The following PAAF1 variants were observed in gnomAD, a reference collection of about 807,000 sequenced individuals.
The protein encoded by PAAF1 is proteasomal ATPase-associated factor 1.
In PAAF1, 46 loss-of-function variants were observed where a neutral mutation model predicts 52.8. That is an observed-to-expected ratio of 0.87 (90% CI 0.69 to 1.11). PAAF1 has a LOEUF of 1.11. PAAF1 is among the 50% of genes most tolerant of loss of function. The pLI is 0.00. For missense variants in PAAF1, 424 were observed against 477.4 expected, an observed-to-expected ratio of 0.89 and a Z score of 1.04; for synonymous variants, 178 against 172.8, an observed-to-expected ratio of 1.03 and a Z score of -0.24.
intron 4 of PAAF1, among the ~76,000 whole-genome samples, chr11:73,897,973 G>GAGCTGCAGACCAGCCCAGCCAACAC (rs1949465649): frequency 6.6e-6 from 1 of 152,148 alleles, no homozygotes; most frequent in Non-Finnish European, 1.5e-5. Context: ...TCATGGTTAG[G>GAGCTGCAGACCAGCCCAGCCAACAC]AGCTGCAGAC....
At chr11:73,878,219 A>G (rs138610070) in intron 1 of PAAF1, among the ~76,000 whole-genome samples, 372 of 152,360 alleles carry the variant, frequency 2.4e-3, no homozygotes, top group Admixed American at 3.9e-3. Context: ...CTAGCTACCT[A>G]TGAGAAAATA....
intron 10 of PAAF1, among the ~76,000 whole-genome samples, chr11:73,920,036 T>C (rs2135227264): frequency 6.6e-6 from 1 of 150,654 alleles, no homozygotes; most frequent in South Asian, 2.1e-4. Flanking sequence ...GAAAGACTGG[T>C]GAAAAAAAAA....
intron 2 of PAAF1, among the ~76,000 whole-genome samples, chr11:73,881,239 T>G (rs1948898597): frequency 6.6e-6 from 1 of 152,174 alleles, no homozygotes; most frequent in African/African-American, 2.4e-5. Flanking sequence ...GTTTATATTT[T>G]TTTAGATCTT....
chr11:73,887,130 A>G (rs758826692), intron 2 of PAAF1: 1 of 491,428 alleles, frequency 2.0e-6, no homozygotes, highest in Non-Finnish European at 3.8e-6. Flanking sequence ...TTCTTTATAA[A>G]TTACCCAGCC....
At chr11:73,916,226 T>G (rs567386096) in intron 8 of PAAF1, among the ~76,000 whole-genome samples, 1 of 152,268 alleles carries the variant, frequency 6.6e-6, no homozygotes, top group South Asian at 2.1e-4. Flanking sequence ...AAAGTTGTCA[T>G]GAAAAAGGGG....
chr11:73,922,246 CT>C (rs2135232307), intron 10 of PAAF1: 1 of 623,228 alleles, frequency 1.6e-6, no homozygotes, highest in South Asian at 1.4e-5. Context: ...TACTTTTCTA[CT>C]TTTCTGCTGG....
At chr11:73,895,396 C>T (rs892592503) in intron 4 of PAAF1, among the ~76,000 whole-genome samples, 1 of 152,148 alleles carries the variant, frequency 6.6e-6, no homozygotes, top group African/African-American at 2.4e-5. Context: ...GGATAGATAC[C>T]ACCTGTATCA....
intron 7 of PAAF1, among the ~76,000 whole-genome samples, chr11:73,912,060 A>C (rs1461914652): frequency 6.6e-6 from 1 of 152,032 alleles, no homozygotes; most frequent in South Asian, 2.1e-4. Flanking sequence ...CTGTGATACC[A>C]CATAACACTG....
rs763618203 is a variant in PAAF1, at chr11:73,891,166, C to A, written c.247C>A (p.Pro83Thr). Residue 83 changes from proline to threonine, a missense_variant, in exon 4 of 12, where the codon CCA becomes ACA. Coordinates refer to ENST00000310571, the MANE Select transcript of PAAF1 (RefSeq NM_025155.3). ...AAATGCATCTTCTAAGTTTTTGGCA[C>A]CATATACTACTTTTTCCAGAATTCA... ...KENASSKFLA[P>T]YTTFSRIHTK... is the part of the protein sequence containing the mutation. The A allele has an allele frequency of 6.3e-7, 1 of 1,595,636 alleles. No individual in the cohort carries two copies. The highest frequency in any genetic ancestry group is 8.6e-7 in the Non-Finnish European group (1 of 1,164,798).
intron 3 of PAAF1, among the ~76,000 whole-genome samples, chr11:73,887,782 C>T (rs777860415): frequency 5.3e-5 from 8 of 152,166 alleles, no homozygotes; most frequent in Non-Finnish European, 1.0e-4. Flanking sequence ...TGGAGTCTTG[C>T]TCTGTCGCCC....
chr11:73,897,304 C>T (rs886293558), intron 4 of PAAF1, among the ~76,000 whole-genome samples: 16 of 151,684 alleles, frequency 1.1e-4, no homozygotes, highest in Non-Finnish European at 2.1e-4. Flanking sequence ...ACTTCCCTCC[C>T]GGACGAGGTG....
At chr11:73,895,850 T>A (rs1949330616) in intron 4 of PAAF1, among the ~76,000 whole-genome samples, 1 of 152,228 alleles carries the variant, frequency 6.6e-6, no homozygotes, top group South Asian at 2.1e-4. Context: ...CTCACGCCTG[T>A]GATCCTAGCA....
chr11:73,910,677 G>A (rs1199147396), intron 7 of PAAF1, among the ~76,000 whole-genome samples: 2 of 151,884 alleles, frequency 1.3e-5, no homozygotes, highest in Non-Finnish European at 2.9e-5. Flanking sequence ...GCCATTTTAG[G>A]CTCACAGCAA....
intron 2 of PAAF1, among the ~76,000 whole-genome samples, chr11:73,882,432 TTTA>T (rs1353571277): frequency 6.6e-6 from 1 of 151,218 alleles, no homozygotes; most frequent in Non-Finnish European, 1.5e-5. Flanking sequence ...TATTTTTATT[TTTA>T]TTATTTATTT....
chr11:73,907,203 A>G (rs1214710125), intron 6 of PAAF1, among the ~76,000 whole-genome samples: 5 of 152,168 alleles, frequency 3.3e-5, no homozygotes, highest in Non-Finnish European at 5.9e-5. Flanking sequence ...GGCTTCAAAA[A>G]CTATAAAATC....
chr11:73,928,951 C>T lies in PAAF1; in HGVS notation c.*1589C>T, dbSNP rs1362944829. 2 of 151,072 alleles carry T rather than the reference C, an allele frequency of 1.3e-5. No individual in the cohort carries two copies. Among genetic ancestry groups the T allele is most frequent in the Non-Finnish European group, 3.0e-5 (2 of 67,728 alleles). 9.4% of individuals were successfully genotyped at this position (151,072 alleles called of 1,614,324 possible). A position where few individuals can be genotyped will look rare whatever the true frequency, so the allele number is the denominator to read the frequency against. On this transcript the variant is annotated 3_prime_UTR_variant, in exon 12 of 12. Transcript: ENST00000310571. ...GGCCAGGCTGGTCTCGAACTCCTGA[C>T]CTTGTGATCCACCTGCCTTGGCCTC...
In PAAF1 at chr11:73,887,420, C is replaced by T. The variant is rs745366136; in HGVS notation, c.155C>T (p.Thr52Ile). 5.6e-6 allele frequency: 9 copies of T among 1,610,580 alleles called. No homozygotes were observed. The highest frequency in any genetic ancestry group is 1.7e-4 in the Middle Eastern group (1 of 6,046). ...GIGLDGIPEV[T>I]ASEGFTVNEI... The stretch of plus-strand genomic sequence containing the variant: ...GGCCTAGATGGCATCCCAGAGGTTA[C>T]AGCTTCAGAAGGATTTACTGTGAAT... The change falls in exon 3 of 12, where the codon ACA becomes ATA. Residue 52 changes from threonine to isoleucine, a missense_variant. Thr to Ile is a moderately conservative substitution (Grantham distance 89). Coordinates refer to ENST00000310571, the MANE Select transcript of PAAF1 (RefSeq NM_025155.3).
chr11:73,882,486 G>A (rs1240230374), intron 2 of PAAF1, among the ~76,000 whole-genome samples: 5 of 151,114 alleles, frequency 3.3e-5, no homozygotes, highest in African/African-American at 4.9e-5. Flanking sequence ...CGCTCTTGTC[G>A]CCCAGGCTGG....
At chr11:73,916,796 G>A (rs147364177) in intron 9 of PAAF1, 136 bp downstream of exon 9, 3 of 527,214 alleles carry the variant, frequency 5.7e-6, no homozygotes, top group Middle Eastern at 4.9e-4. Flanking sequence ...AGGTTTTCCA[G>A]TCTGAATTTT....
Sources: gnomAD v4.1 joint callset for allele counts (sites outside exome capture counted in the v4.1 genomes callset) on GRCh38, gnomAD v4.1.1 for gene constraint, MANE v1.5 for transcripts, NCBI Gene and HGNC (gene_info 2026-07-23, HGNC 2026-07-21) for gene names.